FBXO25: variants seen among roughly 807,000 people sequenced by gnomAD.
FBXO25 encodes F-box only protein 25.
Under a neutral mutation model 51.9 loss-of-function variants are expected in FBXO25, and 45 were observed. The ratio of observed to expected loss-of-function variants is 0.87; its 90% CI spans 0.68 to 1.11. The LOEUF (loss-of-function observed/expected upper bound fraction) is 1.11, where lower values mean the gene tolerates loss of function less well. Among genes scored for constraint, FBXO25 ranks in the 50% most tolerant of loss-of-function variants. FBXO25 has a pLI of 0.00. For synonymous variants in FBXO25, 199 were observed against 151.0 expected (o/e 1.32, Z -2.33); for missense variants, 507 against 428.5 (o/e 1.18, Z -1.62).
At position 477,624 on chromosome 8, in the gene FBXO25, G is replaced by A. The variant is rs561725765; in HGVS notation, c.*8820G>A. The A allele has an allele frequency of 2.0e-5, 3 of 152,358 alleles. No homozygotes were observed. Among genetic ancestry groups the A allele is most frequent in the African/African-American group, 7.2e-5 (3 of 41,588 alleles). The allele number at this position is 152,358 out of a possible 1,614,324, so 9.4% of individuals were successfully genotyped here. ...AGGTACACACAGGGGAGTGAAGCAG[G>A]GCTTGGAGCAGATGGTAAAGATTGT... On this transcript the variant is annotated 3_prime_UTR_variant, in exon 10 of 10. Transcript: ENST00000350302.
intron 8 of FBXO25, among the ~76,000 whole-genome samples, chr8:460,072 T>A (rs1392591983): frequency 3.3e-5 from 5 of 151,996 alleles, no homozygotes; most frequent in Non-Finnish European, 4.4e-5. Flanking sequence ...AGGATTTAGA[T>A]CCTAGGAAAA....
In FBXO25 at chr8:463,013, A is replaced by G; in HGVS notation, c.850A>G (p.Arg284Gly). Residue 284 changes from arginine (R) to glycine (G), a missense_variant, in exon 9 of 10, where the codon AGA (arginine) becomes GGA (glycine). Transcript: ENST00000350302. ...TGGAGTTTTGTTTGTTTAGTTTTGT[A>G]GACATTTGATCCTTTCAGAAAAAGG... is the stretch of plus-strand genomic sequence containing the variant. ...QYHFAEKQFCRHLILSEKGHI... is the reference protein window; with the variant it reads ...QYHFAEKQFCGHLILSEKGHI... 1 of 1,607,920 alleles carries G rather than the reference A, an allele frequency of 6.2e-7. No homozygotes were observed. The highest frequency in any genetic ancestry group is 8.5e-7 in the Non-Finnish European group (1 of 1,178,752).
chr8:425,062 A>G (rs1369556672), intron 2 of FBXO25, among the ~76,000 whole-genome samples: 1 of 152,104 alleles, frequency 6.6e-6, no homozygotes, highest in Non-Finnish European at 1.5e-5. Context: ...CATTTTTATA[A>G]AGGAAACATC....
intron 9 of FBXO25, among the ~76,000 whole-genome samples, chr8:464,224 G>A (rs972827528): frequency 6.6e-6 from 1 of 152,192 alleles, no homozygotes; most frequent in South Asian, 2.1e-4. Flanking sequence ...CCAAAGTGCT[G>A]GGATTACAGG....
intron 9 of FBXO25, among the ~76,000 whole-genome samples, chr8:465,565 G>A (rs1800102874): frequency 6.6e-6 from 1 of 152,186 alleles, no homozygotes; most frequent in Non-Finnish European, 1.5e-5. Flanking sequence ...CACATTGTTA[G>A]GCAGTACAGA....
intron 2 of FBXO25, among the ~76,000 whole-genome samples, chr8:414,906 C>T (rs1209781477): frequency 6.6e-6 from 1 of 152,194 alleles, no homozygotes; most frequent in Non-Finnish European, 1.5e-5. Flanking sequence ...GTTCATCTTC[C>T]TCTGACTTTT....
At chr8:454,770 G>T (rs2116756990) in intron 7 of FBXO25, among the ~76,000 whole-genome samples, 1 of 151,750 alleles carries the variant, frequency 6.6e-6, no homozygotes, top group South Asian at 2.1e-4. Context: ...ACGTGCCTGT[G>T]GTCCCAGCTA....
At chr8:443,016 C>G (rs1257150273) in intron 5 of FBXO25, among the ~76,000 whole-genome samples, 2 of 151,976 alleles carry the variant, frequency 1.3e-5, no homozygotes, top group African/African-American at 4.8e-5. Context: ...AAAGAAGGTC[C>G]AAGAAATGAC....
At chr8:420,870 C>T (rs1250417037) in intron 2 of FBXO25, among the ~76,000 whole-genome samples, 2 of 152,218 alleles carry the variant, frequency 1.3e-5, no homozygotes, top group Non-Finnish European at 2.9e-5. Flanking sequence ...TGTCAAAACC[C>T]ATGGAACTGT....
chr8:416,217 T>C (rs1270753354), intron 2 of FBXO25, among the ~76,000 whole-genome samples: 1 of 152,246 alleles, frequency 6.6e-6, no homozygotes. Context: ...GTTGGCCTGC[T>C]CTACTCCTCT....
At chr8:408,610 A>G (rs937313624) in intron 1 of FBXO25, among the ~76,000 whole-genome samples, 4 of 152,260 alleles carry the variant, frequency 2.6e-5, no homozygotes. Flanking sequence ...GCCTATGGTA[A>G]GCTCTAATAA....
At chr8:417,148 G>T (rs1376924914) in intron 2 of FBXO25, among the ~76,000 whole-genome samples, 1 of 152,220 alleles carries the variant, frequency 6.6e-6, no homozygotes, top group Non-Finnish European at 1.5e-5. Context: ...GGGCCAGTAG[G>T]AGACAAGATC....
intron 5 of FBXO25, 44 bp downstream of exon 5, chr8:435,751 C>G (rs1452513933): frequency 6.4e-7 from 1 of 1,557,948 alleles, no homozygotes; most frequent in Admixed American, 2.1e-5. Flanking sequence ...CTCTTTTGAA[C>G]AACTATATTT....
chr8:447,494 A>G (rs1421175458), intron 5 of FBXO25, among the ~76,000 whole-genome samples: 1 of 152,218 alleles, frequency 6.6e-6, no homozygotes, highest in Non-Finnish European at 1.5e-5. Flanking sequence ...GAAACTCATG[A>G]AGGAGTTCTG....
At chr8:462,163 A>T (rs1040846430) in intron 8 of FBXO25, among the ~76,000 whole-genome samples, 1 of 152,042 alleles carries the variant, frequency 6.6e-6, no homozygotes. Context: ...GCTTCTCATT[A>T]TTTCACTTTT....
intron 9 of FBXO25, chr8:467,623 T>C (rs1356128496): frequency 8.3e-7 from 1 of 1,202,314 alleles, no homozygotes; most frequent in African/African-American, 1.5e-5. Flanking sequence ...CAAACCTGAA[T>C]GCTTAGATAC....
intron 2 of FBXO25, among the ~76,000 whole-genome samples, chr8:426,735 C>T (rs1247892489): frequency 2.6e-5 from 4 of 151,442 alleles, no homozygotes; most frequent in Non-Finnish European, 4.4e-5. Context: ...TTCCCTTCTG[C>T]CAGATTGCAC....
chr8:445,391 C>T (rs1181743650), intron 5 of FBXO25, among the ~76,000 whole-genome samples: 1 of 152,194 alleles, frequency 6.6e-6, no homozygotes, highest in Non-Finnish European at 1.5e-5. Flanking sequence ...GGTATTTCTT[C>T]CCCTAGTGGA....
At chr8:410,196 G>T (rs1163320569) in intron 1 of FBXO25, among the ~76,000 whole-genome samples, 2 of 152,144 alleles carry the variant, frequency 1.3e-5, no homozygotes, top group African/African-American at 4.8e-5. Flanking sequence ...ATATCTGTAT[G>T]TATGTATACA....
Sources: allele counts gnomAD v4.1 joint callset (sites outside exome capture counted in the v4.1 genomes callset), GRCh38; gene constraint gnomAD v4.1.1; transcripts MANE v1.5; gene names NCBI Gene and HGNC (gene_info 2026-07-23, HGNC 2026-07-21).